CCDC28A: variants seen among roughly 807,000 people sequenced by gnomAD.
The protein encoded by CCDC28A is coiled-coil domain-containing protein 28A.
Under a neutral mutation model 22.1 loss-of-function variants are expected in CCDC28A, and 24 were observed. The observed-to-expected ratio is 1.09, with a 90% CI of 0.79 to 1.53. The LOEUF is 1.53. Ranked by LOEUF, CCDC28A falls within the 40% of genes most tolerant of loss-of-function variation. CCDC28A has a pLI of 0.00. For missense variants in CCDC28A, 170 were observed against 210.7 expected (o/e 0.81, Z 1.20); for synonymous variants, 83 against 74.7 (o/e 1.11, Z -0.57).
At chr6:138,781,716 C>T (rs868420483) in intron 3 of CCDC28A, among the ~76,000 whole-genome samples, 1 of 152,124 alleles carries the variant, frequency 6.6e-6, no homozygotes, top group African/African-American at 2.4e-5. Context: ...CAGTTTTCTA[C>T]TTGGTTATTT....
chr6:138,791,199 T>G (rs890984459), intron 5 of CCDC28A, among the ~76,000 whole-genome samples: 1 of 151,958 alleles, frequency 6.6e-6, no homozygotes, highest in African/African-American at 2.4e-5. Context: ...ATCTCCCACC[T>G]CAGCCTCCTG....
rs1775078288 is a variant in CCDC28A, at chr6:138,785,402, T to C, written c.477+21T>C. ...CAGATGTAAGTGTAATTCTTTTTCTTTGTTCTTTAAAAAAAAATTTTTGTT... is the reference window on the plus strand; with the variant it reads ...CAGATGTAAGTGTAATTCTTTTTCTCTGTTCTTTAAAAAAAAATTTTTGTT... On this transcript the variant is annotated intron_variant, in intron 4 of 5. Coordinates refer to ENST00000617445, the MANE Select transcript of CCDC28A (RefSeq NM_015439.3). 3 of 1,576,072 alleles carry C rather than the reference T, an allele frequency of 1.9e-6. No individual in the cohort carries two copies. The African/African-American group carries it at 4.1e-5, about 22-fold the overall frequency.
intron 5 of CCDC28A, among the ~76,000 whole-genome samples, chr6:138,789,610 A>C (rs1775141199): frequency 6.6e-6 from 1 of 152,280 alleles, no homozygotes; most frequent in African/African-American, 2.4e-5. Context: ...GGATCACTTG[A>C]GGTCAGGAGT....
chr6:138,775,483 C>T (rs9403000), intron 1 of CCDC28A, among the ~76,000 whole-genome samples: 38,226 of 152,102 alleles, frequency 0.25, 5,976 homozygotes, highest in East Asian at 0.62. Flanking sequence ...TCTAGAACTT[C>T]ACTTATCACC....
At chr6:138,786,808 G>T (rs1337400874) in intron 4 of CCDC28A, among the ~76,000 whole-genome samples, 2 of 152,112 alleles carry the variant, frequency 1.3e-5, no homozygotes, top group African/African-American at 2.4e-5. Flanking sequence ...TAGAGATAGG[G>T]TTTCACCATG....
intron 4 of CCDC28A, among the ~76,000 whole-genome samples, chr6:138,786,218 G>T (rs1437235685): frequency 6.6e-6 from 1 of 152,136 alleles, no homozygotes; most frequent in Non-Finnish European, 1.5e-5. Context: ...AGCCCACCCT[G>T]ATGACCTCAT....
At chr6:138,791,430 T>C (rs1775167591) in intron 5 of CCDC28A, among the ~76,000 whole-genome samples, 1 of 152,208 alleles carries the variant, frequency 6.6e-6, no homozygotes, top group Non-Finnish European at 1.5e-5. Flanking sequence ...TAGGTATTGC[T>C]ACAAAATTAA....
chr6:138,777,297 CAA>C (rs1404013544), intron 2 of CCDC28A, among the ~76,000 whole-genome samples: 8 of 152,256 alleles, frequency 5.3e-5, no homozygotes, highest in African/African-American at 1.9e-4. Flanking sequence ...TAACCAAAGA[CAA>C]GAGAAGATTT....
In CCDC28A at chr6:138,793,315, A is replaced by T. The variant is rs1202221231; in HGVS notation, c.*512A>T. 6.5e-6 allele frequency: 1 copy of T among 154,040 alleles called. No individual in the cohort carries two copies. The highest frequency in any genetic ancestry group is 2.4e-5 in the African/African-American group (1 of 41,464). 9.5% of individuals were successfully genotyped at this position (154,040 alleles called of 1,614,324 possible). ...TTTTTTAATAAAGTAATTGTTTTAAATTAATCTCTGTTGTCTGTTTTGAAG... is the reference window on the plus strand; with the variant it reads ...TTTTTTAATAAAGTAATTGTTTTAATTTAATCTCTGTTGTCTGTTTTGAAG... On this transcript the variant is annotated 3_prime_UTR_variant, in exon 6 of 6. Transcript: ENST00000617445.
intron 3 of CCDC28A, among the ~76,000 whole-genome samples, chr6:138,782,608 A>G (rs1287778820): frequency 4.6e-5 from 7 of 152,222 alleles, no homozygotes; most frequent in African/African-American, 1.7e-4. Flanking sequence ...ACATACATAA[A>G]CACAAACATA....
chr6:138,784,734 GCC>G (rs1775067711), intron 3 of CCDC28A, among the ~76,000 whole-genome samples: 1 of 147,164 alleles, frequency 6.8e-6, no homozygotes, highest in Admixed American at 6.8e-5. Flanking sequence ...TCGCTCTATT[GCC>G]AGGGTGGAGT....
chr6:138,786,438 T>C (rs1197999787), intron 4 of CCDC28A, among the ~76,000 whole-genome samples: 1 of 152,196 alleles, frequency 6.6e-6, no homozygotes, highest in African/African-American at 2.4e-5. Context: ...TCAACACACG[T>C]TAGTTTTAGA....
chr6:138,778,795 TCTCG>T (rs1562438680), intron 2 of CCDC28A, among the ~76,000 whole-genome samples: 1 of 145,664 alleles, frequency 6.9e-6, no homozygotes, highest in East Asian at 2.0e-4. Context: ...TGACACGGAG[TCTCG>T]CTCTGTCACC....
chr6:138,787,523 T>C (rs975926176), intron 4 of CCDC28A, among the ~76,000 whole-genome samples: 1 of 152,180 alleles, frequency 6.6e-6, no homozygotes, highest in Non-Finnish European at 1.5e-5. Flanking sequence ...ATATAGAAAA[T>C]TGAGTGACGT....
Position 138,773,806 on chromosome 6 carries a change from T to G in CCDC28A, c.-139T>G. 4 of 1,614,022 alleles carry G rather than the reference T, an allele frequency of 2.5e-6. No individual in the cohort carries two copies. Among genetic ancestry groups the G allele is most frequent in the Non-Finnish European group, 3.4e-6 (4 of 1,179,968 alleles). ...AGCTGCGGAGGAGCGGGTCCCGGGA[T>G]GTGACCGGGGCTCTGCTTGTGGCTG... is the stretch of plus-strand genomic sequence containing the variant. On this transcript the variant is annotated 5_prime_UTR_variant, in exon 1 of 6. The change abolishes an upstream ATG in the 5' untranslated region. Transcript: ENST00000617445.
At position 138,773,887 on chromosome 6, in the gene CCDC28A, T is replaced by G. The variant is rs771802887; in HGVS notation, c.-58T>G. 7 of 1,613,364 alleles carry G rather than the reference T, an allele frequency of 4.3e-6. No individual in the cohort carries two copies. Among genetic ancestry groups the G allele is most frequent in the Non-Finnish European group, 5.9e-6 (7 of 1,180,008 alleles). ...TGCGGGTTGCGGAAGGGGGCCCCAA[T>G]ACCCTTCTTCTTCAGGTATGTAGTG... On this transcript the variant is annotated 5_prime_UTR_variant, in exon 1 of 6. Transcript: ENST00000617445.
intron 3 of CCDC28A, among the ~76,000 whole-genome samples, chr6:138,782,155 A>G (rs1443556334): frequency 1.3e-5 from 2 of 149,522 alleles, no homozygotes; most frequent in East Asian, 2.0e-4. Flanking sequence ...TTCCTCCCCT[A>G]CTCTATGTTG....
intron 5 of CCDC28A, among the ~76,000 whole-genome samples, chr6:138,789,248 ATAATT>A (rs1484230327): frequency 6.6e-6 from 1 of 152,244 alleles, no homozygotes; most frequent in Non-Finnish European, 1.5e-5. Context: ...TGCCTATAAA[ATAATT>A]TAATTTGAGA....
At chr6:138,791,647 T>C (rs1775172101) in intron 5 of CCDC28A, among the ~76,000 whole-genome samples, 1 of 152,236 alleles carries the variant, frequency 6.6e-6, no homozygotes, top group Non-Finnish European at 1.5e-5. Context: ...AATGCGTTTG[T>C]TCAGGTTGTA....
Sources: gnomAD v4.1 joint callset for allele counts (sites outside exome capture counted in the v4.1 genomes callset) on GRCh38, gnomAD v4.1.1 for gene constraint, MANE v1.5 for transcripts, NCBI Gene and HGNC (gene_info 2026-07-23, HGNC 2026-07-21) for gene names.